The following PBK variants were observed in gnomAD, a reference collection of about 807,000 sequenced individuals.
The protein encoded by PBK is PDZ binding kinase, also known as lymphokine-activated killer T-cell-originated protein kinase.
Under a neutral mutation model 33.5 loss-of-function variants are expected in PBK, and 22 were observed. The ratio of observed to expected loss-of-function variants is 0.66; its 90% CI spans 0.47 to 0.94. The LOEUF is 0.94. Ranked by LOEUF, PBK falls within the 40% of genes least tolerant of loss-of-function variation. PBK has a pLI of 0.00. For synonymous variants in PBK, 129 were observed against 123.8 expected, an observed-to-expected ratio of 1.04 and a Z score of -0.28; for missense variants, 376 against 383.4, an observed-to-expected ratio of 0.98 and a Z score of 0.16.
intron 2 of PBK, among the ~76,000 whole-genome samples, chr8:27,830,365 GAAT>G (rs775080973): frequency 4.0e-5 from 6 of 151,630 alleles, no homozygotes; most frequent in Non-Finnish European, 8.8e-5. Context: ...CAATGGATAA[GAAT>G]AACATCATCT....
intron 6 of PBK, among the ~76,000 whole-genome samples, chr8:27,820,018 A>G (rs1298421236): frequency 6.6e-6 from 1 of 152,142 alleles, no homozygotes; most frequent in Non-Finnish European, 1.5e-5. Flanking sequence ...AAATTTAAGT[A>G]TTATTTACTA....
chr8:27,820,443 G>A, intron 6 of PBK, 122 bp downstream of exon 6: 1 of 640,266 alleles, frequency 1.6e-6, no homozygotes. Context: ...GAAAAAAAGG[G>A]GACTTTTTAC....
At position 27,823,996 on chromosome 8, in the gene PBK, CAAG is replaced by C. The variant is rs140415160; in HGVS notation, c.153-794_153-792del. 8.8e-3 allele frequency among the ~76,000 whole-genome samples: 1,340 copies of C among 152,120 alleles called. 23 individuals are homozygous for C. The highest frequency in any genetic ancestry group is 0.031 in the African/African-American group (1,277 of 41,524). On this transcript the variant is annotated intron_variant, in intron 3 of 7. Coordinates refer to ENST00000301905, the MANE Select transcript of PBK (RefSeq NM_018492.4). ...AAAGTTTAATGGTAAGAACACAAAA[CAAG>C]AGATTGAATCAAAGATCTGTTTAGC... is the stretch of plus-strand genomic sequence containing the variant.
At chr8:27,827,739 G>C (rs1806052147) in intron 3 of PBK, among the ~76,000 whole-genome samples, 3 of 152,170 alleles carry the variant, frequency 2.0e-5, no homozygotes, top group African/African-American at 4.8e-5. Context: ...CTGCAGAAAA[G>C]ACAGCAGTCA....
intron 3 of PBK, 110 bp downstream of exon 3, chr8:27,827,995 G>T (rs1328701924): frequency 1.0e-5 from 6 of 590,474 alleles, no homozygotes; most frequent in Non-Finnish European, 1.8e-5. Flanking sequence ...CCAGGATCAG[G>T]AGCAGACAAC....
chr8:27,827,811 A>G (rs1585432493), intron 3 of PBK, among the ~76,000 whole-genome samples: 1 of 152,218 alleles, frequency 6.6e-6, no homozygotes, highest in Admixed American at 6.5e-5. Context: ...TGGTTTAATT[A>G]CCACAAAGGA....
intron 3 of PBK, among the ~76,000 whole-genome samples, 175 bp downstream of exon 3, chr8:27,827,930 G>C (rs926466732): frequency 6.6e-6 from 1 of 152,192 alleles, no homozygotes; most frequent in African/African-American, 2.4e-5. Context: ...AAAAGCAGAG[G>C]CAGAGCTACA....
intron 6 of PBK, among the ~76,000 whole-genome samples, chr8:27,819,382 A>C (rs17057935): frequency 0.16 from 23,931 of 152,070 alleles, 2,394 homozygotes; most frequent in East Asian, 0.37. Context: ...GTAGTTTTGA[A>C]CATATCAAAT....
At chr8:27,831,535 T>TACGGATATAGAAGACCTGAA in intron 2 of PBK, among the ~76,000 whole-genome samples, 1 of 151,776 alleles carries the variant, frequency 6.6e-6, no homozygotes, top group South Asian at 2.1e-4. Context: ...AGAATATCAT[T>TACGGATATAGAAGACCTGAA]GACATTTGTA....
At chr8:27,825,236 T>C (rs1490264788) in intron 3 of PBK, among the ~76,000 whole-genome samples, 2 of 152,196 alleles carry the variant, frequency 1.3e-5, no homozygotes, top group Admixed American at 1.3e-4. Context: ...GACCAGGAGT[T>C]TGAGACCAGC....
chr8:27,810,239 G>A lies in PBK; in HGVS notation c.*66C>T, dbSNP rs769490128. On this transcript the variant is annotated 3_prime_UTR_variant, in exon 8 of 8. Coordinates refer to ENST00000301905, the MANE Select transcript of PBK (RefSeq NM_018492.4). ...TTTTAGAGTCTAATAACTACTGATA[G>A]TAACTATGTAAATATTTTGGAATAA... 5 of 1,083,128 alleles carry A rather than the reference G, an allele frequency of 4.6e-6. No homozygotes were observed. Among genetic ancestry groups the A allele is most frequent in the Non-Finnish European group, 7.0e-6 (5 of 711,118 alleles). 67.1% of individuals were successfully genotyped at this position (1,083,128 alleles called of 1,614,324 possible).
intron 2 of PBK, among the ~76,000 whole-genome samples, 175 bp from the exon 3 acceptor site, chr8:27,828,373 T>A (rs562850947): frequency 6.6e-6 from 1 of 152,194 alleles, no homozygotes; most frequent in African/African-American, 2.4e-5. Context: ...ACTTTTGGAG[T>A]TTTATCCTAC....
At chr8:27,835,643 C>T (rs1314642902) in intron 1 of PBK, among the ~76,000 whole-genome samples, 2 of 152,050 alleles carry the variant, frequency 1.3e-5, no homozygotes, top group African/African-American at 2.4e-5. Context: ...CCTCTGCCTC[C>T]CAGGTTCAAG....
intron 4 of PBK, 41 bp downstream of exon 4, chr8:27,823,022 C>CA: frequency 7.2e-7 from 1 of 1,389,532 alleles, no homozygotes; most frequent in South Asian, 1.2e-5. Context: ...TCTGAATAAA[C>CA]AAAATAATAT....
At chr8:27,834,967 ACTT>A (rs1806201320) in intron 1 of PBK, among the ~76,000 whole-genome samples, 1 of 151,946 alleles carries the variant, frequency 6.6e-6, no homozygotes. Context: ...CAATGTGTTT[ACTT>A]CTTCGTAACA....
chr8:27,832,803 T>C (rs1806154217), intron 2 of PBK, among the ~76,000 whole-genome samples: 1 of 152,180 alleles, frequency 6.6e-6, no homozygotes, highest in Non-Finnish European at 1.5e-5. Context: ...AGCAGTTCCT[T>C]AATGGGTCAA....
intron 6 of PBK, among the ~76,000 whole-genome samples, chr8:27,813,905 A>AT (rs202164867): frequency 0.012 from 1,857 of 150,694 alleles, 48 homozygotes; most frequent in African/African-American, 0.042. Flanking sequence ...TTGGACTATG[A>AT]TTTTTTTTTC....
intron 6 of PBK, among the ~76,000 whole-genome samples, chr8:27,812,862 A>G (rs1805721057): frequency 6.6e-6 from 1 of 152,220 alleles, no homozygotes. Context: ...ATGCTTTTAC[A>G]CTGTTGGTGG....
At chr8:27,835,585 CTT>C (rs1806212593) in intron 1 of PBK, among the ~76,000 whole-genome samples, 1 of 147,898 alleles carries the variant, frequency 6.8e-6, no homozygotes, top group Non-Finnish European at 1.5e-5. Flanking sequence ...GAGTTTTGCT[CTT>C]GTTGCCCAGG....
Sources: allele counts gnomAD v4.1 joint callset (sites outside exome capture counted in the v4.1 genomes callset), GRCh38; gene constraint gnomAD v4.1.1; transcripts MANE v1.5; gene names NCBI Gene and HGNC (gene_info 2026-07-23, HGNC 2026-07-21).